INPP4B: variants seen among roughly 807,000 people sequenced by gnomAD.
INPP4B encodes inositol polyphosphate 4-phosphatase type II.
Under a neutral mutation model 122.5 loss-of-function variants are expected in INPP4B, and 55 were observed. The ratio of observed to expected loss-of-function variants is 0.45; its 90% confidence interval spans 0.36 to 0.56. INPP4B has a LOEUF of 0.56. Ranked by LOEUF, INPP4B falls within the 20% of genes least tolerant of loss-of-function variation. The probability of loss-of-function intolerance (pLI) is 0.00; values close to 1 mark genes in which losing one functional copy is unlikely to be tolerated. For synonymous variants in INPP4B, 403 were observed against 388.7 expected (o/e 1.04, Z -0.43); for missense variants, 1,000 against 1,097.7 (o/e 0.91, Z 1.26).
intron 1 of INPP4B, among the ~76,000 whole-genome samples, chr4:142,827,533 G>T (rs1781590943): frequency 6.6e-6 from 1 of 152,106 alleles, no homozygotes; most frequent in Admixed American, 6.6e-5. Context: ...TTTAGAATTT[G>T]CCCAAGTACA....
chr4:142,749,462 G>C (rs928181039), intron 1 of INPP4B, among the ~76,000 whole-genome samples: 2 of 150,222 alleles, frequency 1.3e-5, no homozygotes, highest in African/African-American at 4.9e-5. Context: ...GGATACGAAG[G>C]ATGAATCAAA....
chr4:142,150,236 T>C (rs938708418), intron 17 of INPP4B, among the ~76,000 whole-genome samples: 3 of 152,186 alleles, frequency 2.0e-5, no homozygotes, highest in Non-Finnish European at 4.4e-5. Context: ...ATTGCTCCCA[T>C]GATGAAGAAA....
At chr4:142,246,587 GCTCT>G (rs1407207908) in intron 11 of INPP4B, among the ~76,000 whole-genome samples, 2 of 151,960 alleles carry the variant, frequency 1.3e-5, no homozygotes, top group Non-Finnish European at 2.9e-5. Context: ...TCAAGATTTG[GCTCT>G]CTGTTTGTCT....
intron 1 of INPP4B, among the ~76,000 whole-genome samples, chr4:142,827,482 C>G (rs898662622): frequency 6.6e-6 from 1 of 152,064 alleles, no homozygotes; most frequent in East Asian, 1.9e-4. Context: ...GCAATAATAT[C>G]CCCCTGGGTA....
At chr4:142,483,614 G>C (rs1820854227) in intron 2 of INPP4B, among the ~76,000 whole-genome samples, 1 of 152,022 alleles carries the variant, frequency 6.6e-6, no homozygotes, top group African/African-American at 2.4e-5. Flanking sequence ...AGCTAAGACA[G>C]GATGAAAGAA....
intron 25 of INPP4B, among the ~76,000 whole-genome samples, chr4:142,075,049 T>C (rs924133327): frequency 3.9e-5 from 6 of 152,020 alleles, no homozygotes; most frequent in African/African-American, 1.4e-4. Context: ...TCTGTTCTTG[T>C]GGGAATTAGC....
At chr4:142,693,230 A>G (rs1047060425) in intron 2 of INPP4B, among the ~76,000 whole-genome samples, 4 of 152,008 alleles carry the variant, frequency 2.6e-5, no homozygotes, top group Admixed American at 2.6e-4. Flanking sequence ...TGTCATGGCT[A>G]GGTGAGAAAT....
chr4:142,845,646 A>C (rs11736709), intron 1 of INPP4B, among the ~76,000 whole-genome samples: 34,770 of 152,050 alleles, frequency 0.23, 4,207 homozygotes, highest in South Asian at 0.33. Flanking sequence ...TTTAAAACAA[A>C]AAACAAGGCA....
chr4:142,846,416 C>G (rs1244576240), upstream of INPP4B: 1 of 152,426 alleles, frequency 6.6e-6, no homozygotes. The surrounding 1 kb of genome is among the most constrained non-coding windows in gnomAD (Gnocchi z 5.1). Flanking sequence ...GCCGCGGCTT[C>G]GCGAGGCTCC....
At chr4:142,822,032 G>A (rs1207609114) in intron 1 of INPP4B, among the ~76,000 whole-genome samples, 1 of 152,166 alleles carries the variant, frequency 6.6e-6, no homozygotes, top group Non-Finnish European at 1.5e-5. Flanking sequence ...TATGGAAGAA[G>A]TTCCAGCTGC....
intron 2 of INPP4B, among the ~76,000 whole-genome samples, chr4:142,558,574 G>A (rs11943687): frequency 0.25 from 37,912 of 151,590 alleles, 5,902 homozygotes; most frequent in East Asian, 0.77. Flanking sequence ...GTGTGCCACT[G>A]TTAACAAATT....
At chr4:142,269,789 G>A (rs566803051) in intron 10 of INPP4B, among the ~76,000 whole-genome samples, 17 of 152,146 alleles carry the variant, frequency 1.1e-4, no homozygotes, top group Middle Eastern at 3.4e-3. Context: ...ATTCCATAAC[G>A]TAAATATATA....
intron 19 of INPP4B, 28 bp from the exon 20 acceptor site, chr4:142,123,443 C>T: frequency 6.2e-7 from 1 of 1,601,868 alleles, no homozygotes; most frequent in Non-Finnish European, 8.5e-7. Context: ...ATGAGATTTA[C>T]TGCAGTTAGC....
At chr4:142,478,593 T>C (rs1393221812) in intron 2 of INPP4B, among the ~76,000 whole-genome samples, 2 of 152,206 alleles carry the variant, frequency 1.3e-5, no homozygotes, top group Admixed American at 6.5e-5. Context: ...TCAAATTTAA[T>C]GATTTCTATA....
intron 11 of INPP4B, among the ~76,000 whole-genome samples, chr4:142,256,971 AC>A (rs1221732051): frequency 6.6e-6 from 1 of 152,162 alleles, no homozygotes; most frequent in Non-Finnish European, 1.5e-5. Context: ...ATACTGACAA[AC>A]CGAATCCAGC....
intron 2 of INPP4B, among the ~76,000 whole-genome samples, chr4:142,622,484 G>A (rs1745173231): frequency 6.6e-6 from 1 of 151,884 alleles, no homozygotes; most frequent in Non-Finnish European, 1.5e-5. Context: ...ACAATGAAGA[G>A]CAAATAAAAC....
intron 15 of INPP4B, 96 bp downstream of exon 15, chr4:142,192,990 AC>A: frequency 1.4e-6 from 1 of 701,016 alleles, no homozygotes; most frequent in Non-Finnish European, 2.6e-6. Flanking sequence ...GATGTCAAGA[AC>A]TATACATTGT....
At chr4:142,198,562 T>G (rs1254370721) in intron 14 of INPP4B, among the ~76,000 whole-genome samples, 2 of 151,960 alleles carry the variant, frequency 1.3e-5, no homozygotes, top group Non-Finnish European at 2.9e-5. Context: ...CACAGTCTTC[T>G]GTCATATCCA....
At chr4:142,598,011 T>C (rs1166723538) in intron 2 of INPP4B, among the ~76,000 whole-genome samples, 1 of 152,148 alleles carries the variant, frequency 6.6e-6, no homozygotes, top group East Asian at 1.9e-4. Flanking sequence ...CTAGAAACAT[T>C]GCACACCTGT....
Sources: gnomAD v4.1 joint callset for allele counts (sites outside exome capture counted in the v4.1 genomes callset) on GRCh38, gnomAD v4.1.1 for gene constraint, Gnocchi (gnomAD v3.1) non-coding constraint, MANE v1.5 for transcripts, NCBI Gene and HGNC (gene_info 2026-07-23, HGNC 2026-07-21) for gene names.